The following SPAG16 variants were observed in gnomAD, a reference collection of about 807,000 sequenced individuals.
SPAG16 encodes sperm associated antigen 16, also known as sperm-associated antigen 16 protein.
SPAG16 carries 86 observed loss-of-function variants against 80.4 expected under a neutral mutation model. The ratio of observed to expected loss-of-function variants is 1.07; its 90% CI spans 0.90 to 1.28. SPAG16 has a LOEUF of 1.28. Among genes scored for constraint, SPAG16 ranks in the 50% most tolerant of loss-of-function variants. The pLI, the probability that SPAG16 is intolerant of heterozygous loss-of-function variation, is 0.00. For missense variants in SPAG16, 870 were observed against 765.3 expected (o/e 1.14, Z -1.61); for synonymous variants, 294 against 265.9 (o/e 1.11, Z -1.03).
At chr2:213,821,756 A>C (rs1212877340) in intron 10 of SPAG16, among the ~76,000 whole-genome samples, 1 of 152,146 alleles carries the variant, frequency 6.6e-6, no homozygotes, top group African/African-American at 2.4e-5. Flanking sequence ...TGTCTACAAG[A>C]GTTCAATTAT....
intron 13 of SPAG16, among the ~76,000 whole-genome samples, chr2:214,023,201 T>C (rs2047967064): frequency 6.6e-6 from 1 of 151,948 alleles, no homozygotes; most frequent in South Asian, 2.1e-4. Flanking sequence ...GTAACTTCTC[T>C]CACTTCATTA....
At chr2:214,135,492 C>T (rs112725012) in intron 14 of SPAG16, among the ~76,000 whole-genome samples, 29 of 152,046 alleles carry the variant, frequency 1.9e-4, no homozygotes, top group Non-Finnish European at 3.5e-4. Flanking sequence ...TCCCGGAGTT[C>T]GGATGTCTGA....
chr2:214,286,335 C>T (rs190105484), intron 15 of SPAG16, among the ~76,000 whole-genome samples: 1 of 152,282 alleles, frequency 6.6e-6, no homozygotes, highest in East Asian at 1.9e-4. Context: ...TCACCACACA[C>T]ACACAAAGAA....
intron 10 of SPAG16, among the ~76,000 whole-genome samples, chr2:213,736,841 A>T (rs1415924566): frequency 6.6e-6 from 1 of 151,604 alleles, no homozygotes. Context: ...AGTAGCTGGG[A>T]TTACAGGCGC....
intron 15 of SPAG16, among the ~76,000 whole-genome samples, chr2:214,408,552 GC>G (rs1474928304): frequency 1.6e-4 from 24 of 152,156 alleles, no homozygotes; most frequent in South Asian, 1.0e-3. Flanking sequence ...ATCATGGTTA[GC>G]TTTACTTTTA....
intron 10 of SPAG16, among the ~76,000 whole-genome samples, chr2:213,529,634 C>T (rs1356657643): frequency 6.6e-6 from 1 of 152,078 alleles, no homozygotes; most frequent in Non-Finnish European, 1.5e-5. Flanking sequence ...GCTATTGCTC[C>T]TAGGCTATAA....
intron 13 of SPAG16, among the ~76,000 whole-genome samples, chr2:214,077,067 G>A (rs1391676526): frequency 6.6e-6 from 1 of 152,108 alleles, no homozygotes; most frequent in East Asian, 1.9e-4. Context: ...TTTAAGGGAG[G>A]CCAAGAAGAG....
chr2:213,600,079 A>C (rs2061011627), intron 10 of SPAG16, among the ~76,000 whole-genome samples: 1 of 152,168 alleles, frequency 6.6e-6, no homozygotes, highest in African/African-American at 2.4e-5. Flanking sequence ...TTCCAGGGTC[A>C]ACTGTATTGG....
chr2:213,670,713 T>C (rs576189771), intron 10 of SPAG16, among the ~76,000 whole-genome samples: 75 of 152,348 alleles, frequency 4.9e-4, no homozygotes, highest in Non-Finnish European at 7.3e-5. Flanking sequence ...CACTAATTTC[T>C]TCACATTATG....
rs112448804 is a variant in SPAG16 at position 213,836,552 on chromosome 2, C to T, written c.1071-25933C>T. On this transcript the variant is annotated intron_variant, in intron 10 of 15. Coordinates refer to ENST00000331683, the MANE Select transcript of SPAG16 (RefSeq NM_024532.5). Reference sequence around the variant, plus strand: ...ATGCTCTTTATAAAATTTTTCTTTGCCTTTTAGCAACCCTGATTTTTTTAA... The same window carrying T: ...ATGCTCTTTATAAAATTTTTCTTTGTCTTTTAGCAACCCTGATTTTTTTAA... Among the ~76,000 whole-genome samples the T allele has an allele frequency of 2.6e-5, 4 of 151,900 alleles. 1 individual carries two copies. Among genetic ancestry groups the T allele is most frequent in the African/African-American group, 9.6e-5 (4 of 41,458 alleles).
intron 15 of SPAG16, among the ~76,000 whole-genome samples, chr2:214,399,248 T>G (rs1701574982): frequency 6.6e-6 from 1 of 152,162 alleles, no homozygotes; most frequent in South Asian, 2.1e-4. Flanking sequence ...CATTTGATAT[T>G]GCAGCCATTC....
chr2:213,453,132 C>T (rs1323671722), intron 9 of SPAG16, among the ~76,000 whole-genome samples: 2 of 152,128 alleles, frequency 1.3e-5, no homozygotes, highest in Non-Finnish European at 2.9e-5. Flanking sequence ...TAGAACATTG[C>T]CTCAGTTTAT....
chr2:214,131,415 T>C (rs2054770234), intron 14 of SPAG16, among the ~76,000 whole-genome samples: 1 of 150,564 alleles, frequency 6.6e-6, no homozygotes, highest in Non-Finnish European at 1.5e-5. Context: ...ACAAAGTAGG[T>C]AACTATTTGT....
At chr2:213,338,323 A>G (rs2064490206) in intron 5 of SPAG16, among the ~76,000 whole-genome samples, 1 of 152,184 alleles carries the variant, frequency 6.6e-6, no homozygotes, top group Admixed American at 6.5e-5. Context: ...CTACAAAATA[A>G]CCAGCTAGCA....
At chr2:213,881,878 G>C (rs919275115) in intron 11 of SPAG16, among the ~76,000 whole-genome samples, 17 of 152,282 alleles carry the variant, frequency 1.1e-4, no homozygotes, top group African/African-American at 4.1e-4. Flanking sequence ...TGTTGAATAG[G>C]AGTGATGAGC....
chr2:213,554,537 C>G (rs551230345), intron 10 of SPAG16, among the ~76,000 whole-genome samples: 1 of 151,876 alleles, frequency 6.6e-6, no homozygotes, highest in Admixed American at 6.6e-5. Context: ...AATGGAGATA[C>G]GAGAACAGCA....
intron 10 of SPAG16, among the ~76,000 whole-genome samples, chr2:213,679,135 A>G (rs992024344): frequency 1.3e-5 from 2 of 152,196 alleles, no homozygotes; most frequent in African/African-American, 4.8e-5. Flanking sequence ...ATCAATGTCT[A>G]ACCTAATTCT....
intron 9 of SPAG16, among the ~76,000 whole-genome samples, chr2:213,408,268 C>CCCTTGTT: frequency 6.6e-6 from 1 of 152,300 alleles, no homozygotes; most frequent in South Asian, 2.1e-4. Context: ...AGCCAGAAAG[C>CCCTTGTT]ACTGAGGCCA....
At chr2:213,521,077 G>A (rs1250733211) in intron 10 of SPAG16, among the ~76,000 whole-genome samples, 2 of 152,128 alleles carry the variant, frequency 1.3e-5, no homozygotes, top group African/African-American at 4.8e-5. Context: ...ATCCTCTTAT[G>A]TGTGTGTGGA....
Sources: allele counts gnomAD v4.1 joint callset (sites outside exome capture counted in the v4.1 genomes callset), GRCh38; gene constraint gnomAD v4.1.1; transcripts MANE v1.5; gene names NCBI Gene and HGNC (gene_info 2026-07-23, HGNC 2026-07-21).